The following MGST1 variants were observed in gnomAD, a reference collection of about 807,000 sequenced individuals.
The protein encoded by MGST1 is microsomal glutathione S-transferase 1.
A neutral mutation model predicts 8.9 loss-of-function variants in MGST1; 5 were observed. The observed-to-expected ratio is 0.56, with a 90% CI of 0.29 to 1.19. The LOEUF (loss-of-function observed/expected upper bound fraction) is 1.19, where lower values mean the gene tolerates loss of function less well. MGST1 is among the 50% of genes most tolerant of loss of function. The probability of loss-of-function intolerance (pLI) is 0.08; values close to 1 mark genes in which losing one functional copy is unlikely to be tolerated. For missense variants in MGST1, 182 were observed against 187.4 expected (o/e 0.97, Z 0.17); for synonymous variants, 54 against 67.8 (o/e 0.80, Z 1.00).
intron 4 of MGST1, among the ~76,000 whole-genome samples, chr12:16,536,848 G>A (rs908466138): frequency 1.3e-5 from 2 of 152,114 alleles, no homozygotes; most frequent in African/African-American, 4.8e-5. Flanking sequence ...CAACATGTGG[G>A]AATTATGGGA....
chr12:16,463,124 G>C (rs1344409770), intron 4 of MGST1, among the ~76,000 whole-genome samples: 2 of 152,038 alleles, frequency 1.3e-5, no homozygotes, highest in East Asian at 3.9e-4. Context: ...CTAAGCAAAA[G>C]GAAAGGCAGA....
chr12:16,430,992 T>C (rs1940934519), intron 1 of MGST1, among the ~76,000 whole-genome samples: 1 of 152,254 alleles, frequency 6.6e-6, no homozygotes. Flanking sequence ...CCAGATCTTC[T>C]ACATAACTTG....
chr12:16,516,537 A>G (rs1392985890), intron 4 of MGST1, among the ~76,000 whole-genome samples: 1 of 152,180 alleles, frequency 6.6e-6, no homozygotes, highest in Non-Finnish European at 1.5e-5. Context: ...CAGACTTTCC[A>G]TTCTACATCT....
intron 4 of MGST1, among the ~76,000 whole-genome samples, chr12:16,472,119 T>A (rs1591739096): frequency 6.6e-6 from 1 of 152,280 alleles, no homozygotes; most frequent in East Asian, 1.9e-4. Flanking sequence ...TCACATAAAT[T>A]ATACCCATTC....
intron 4 of MGST1, among the ~76,000 whole-genome samples, chr12:16,490,683 C>T (rs148436875): frequency 0.012 from 1,792 of 152,118 alleles, 15 homozygotes; most frequent in Admixed American, 0.024. Context: ...GTATAACTAT[C>T]CTATCTTCCA....
At chr12:16,387,083 C>A (rs760902091) in intron 1 of MGST1, among the ~76,000 whole-genome samples, 1 of 152,128 alleles carries the variant, frequency 6.6e-6, no homozygotes, top group Non-Finnish European at 1.5e-5. Context: ...GCTGTTAAAT[C>A]TTTTACTGTG....
At chr12:16,465,487 C>G (rs111648775) in intron 4 of MGST1, among the ~76,000 whole-genome samples, 1 of 151,770 alleles carries the variant, frequency 6.6e-6, no homozygotes, top group Admixed American at 6.6e-5. Flanking sequence ...AGCATTGCCG[C>G]CTGAGCTCCG....
intron 1 of MGST1, among the ~76,000 whole-genome samples, chr12:16,417,732 A>T (rs1940799446): frequency 6.6e-6 from 1 of 152,198 alleles, no homozygotes; most frequent in Non-Finnish European, 1.5e-5. Context: ...AAGGGCCTAG[A>T]TATTTGGAGC....
chr12:16,378,454 T>G (rs1367055193), downstream of MGST1, among the ~76,000 whole-genome samples: 1 of 152,196 alleles, frequency 6.6e-6, no homozygotes, highest in Non-Finnish European at 1.5e-5. Flanking sequence ...ATCAGATAGT[T>G]GTAGATATGT....
Position 16,582,638 on chromosome 12 carries a change from C to G in MGST1, n.483-6890C>G, listed in dbSNP as rs1364029747. On this transcript the variant is annotated intron_variant and non_coding_transcript_variant, in intron 4 of 4. Transcript: ENST00000538857. The surrounding 1 kb of genome is among the most constrained non-coding windows in gnomAD (Gnocchi z 4.1). ...ATCACAATAAGAGGAGGGATTGAAACCATGAGGACAAATAACATCTCCTAG... is the reference window on the plus strand; with the variant it reads ...ATCACAATAAGAGGAGGGATTGAAAGCATGAGGACAAATAACATCTCCTAG... Among the ~76,000 whole-genome samples the G allele has an allele frequency of 6.6e-6, 1 of 152,064 alleles. No homozygotes were observed. Among genetic ancestry groups the G allele is most frequent in the Non-Finnish European group, 1.5e-5 (1 of 68,016 alleles).
downstream of MGST1, among the ~76,000 whole-genome samples, chr12:16,593,187 T>A (rs1024955632): frequency 6.6e-6 from 1 of 151,912 alleles, no homozygotes; most frequent in Non-Finnish European, 1.5e-5. This position sits in a 1 kb window ranked among gnomAD's most constrained non-coding sequence, Gnocchi z 4.2. Context: ...ATGTGGACGA[T>A]GCTTCACTGC....
chr12:16,495,661 C>T (rs911992495), intron 4 of MGST1, among the ~76,000 whole-genome samples: 1 of 151,708 alleles, frequency 6.6e-6, no homozygotes, highest in Non-Finnish European at 1.5e-5. Context: ...AGTGTACTTA[C>T]TCTTTCATCC....
At chr12:16,353,768 T>C (rs111399516) in intron 1 of MGST1, among the ~76,000 whole-genome samples, 2 of 115,998 alleles carry the variant, frequency 1.7e-5, no homozygotes, top group Admixed American at 9.4e-5. Context: ...TTTTTTTTTT[T>C]TTTTTTTTTG....
chr12:16,473,235 T>C (rs901122367), intron 4 of MGST1, among the ~76,000 whole-genome samples: 1 of 152,204 alleles, frequency 6.6e-6, no homozygotes. Flanking sequence ...GAGACATTTC[T>C]ATTGTCAACA....
At chr12:16,527,866 C>A (rs1025739795) in intron 4 of MGST1, among the ~76,000 whole-genome samples, 2 of 151,974 alleles carry the variant, frequency 1.3e-5, no homozygotes, top group African/African-American at 4.8e-5. Context: ...AGCGCATACG[C>A]CCCCTTATTT....
chr12:16,533,893 G>C (rs1941738449), intron 4 of MGST1, among the ~76,000 whole-genome samples: 1 of 152,106 alleles, frequency 6.6e-6, no homozygotes, highest in South Asian at 2.1e-4. Context: ...GCCGGGAAGA[G>C]AAAATAAACA....
chr12:16,417,459 G>C lies in MGST1; in HGVS notation n.779-19929G>C, dbSNP rs145741619. Among the ~76,000 whole-genome samples, 39 of 152,204 alleles carry C rather than the reference G, an allele frequency of 2.6e-4. 1 individual carries two copies. Among genetic ancestry groups the C allele is most frequent in the African/African-American group, 9.1e-4 (38 of 41,542 alleles). ...AAAATGAGATTTTGGTGGGGACAGA[G>C]AGCCAGACCATATCAACTTAGCTGT... is the stretch of plus-strand genomic sequence containing the variant. On this transcript the variant is annotated intron_variant and non_coding_transcript_variant, in intron 1 of 1. Transcript: ENST00000359720.
chr12:16,392,816 T>C (rs1205257454), intron 1 of MGST1, among the ~76,000 whole-genome samples: 1 of 151,948 alleles, frequency 6.6e-6, no homozygotes, highest in African/African-American at 2.4e-5. Flanking sequence ...ATGATAGATA[T>C]ATAGATAGAT....
intron 4 of MGST1, among the ~76,000 whole-genome samples, chr12:16,564,910 C>T (rs1198346471): frequency 6.6e-6 from 1 of 152,082 alleles, no homozygotes; most frequent in African/African-American, 2.4e-5. Flanking sequence ...CTCAGCTCCC[C>T]AAGTAGCTGG....
Sources: allele counts gnomAD v4.1 joint callset (sites outside exome capture counted in the v4.1 genomes callset), GRCh38; gene constraint gnomAD v4.1.1; non-coding constraint Gnocchi (gnomAD v3.1); transcripts MANE v1.5; gene names NCBI Gene and HGNC (gene_info 2026-07-23, HGNC 2026-07-21).